GTPBP1: variants seen among roughly 807,000 people sequenced by gnomAD.
The protein encoded by GTPBP1 is GTP binding protein 1, also known as GTP-binding protein 1.
Under a neutral mutation model 62.0 loss-of-function variants are expected in GTPBP1, and 23 were observed. The observed-to-expected ratio is 0.37, with a 90% CI of 0.27 to 0.53. GTPBP1 has a LOEUF of 0.53. GTPBP1 is among the 20% of genes least tolerant of loss of function. The pLI is 0.89. For missense variants in GTPBP1, 640 were observed against 917.3 expected (o/e 0.70, Z 3.90); for synonymous variants, 344 against 364.4 (o/e 0.94, Z 0.64).
At chr22:38,738,132 G>A (rs996801082), downstream of GTPBP1, 2 of 1,583,350 alleles carry the variant, frequency 1.3e-6, no homozygotes, top group African/African-American at 2.7e-5. The surrounding 1 kb of genome is among the most constrained non-coding windows in gnomAD (Gnocchi z 6.6). Flanking sequence ...GCCTGGATGG[G>A]GAGTCTGCGC....
chr22:38,740,975 G>A, downstream of GTPBP1: 2 of 1,575,502 alleles, frequency 1.3e-6, no homozygotes, highest in Non-Finnish European at 1.7e-6. This position sits in a 1 kb window ranked among gnomAD's most constrained non-coding sequence, Gnocchi z 4.8. Context: ...CTGGGGAGGA[G>A]CAGGCCGAGG....
intron 10 of GTPBP1, chr22:38,729,254 A>G: frequency 3.9e-6 from 2 of 506,720 alleles, no homozygotes; most frequent in East Asian, 3.4e-5. Flanking sequence ...CCAGGGCCAT[A>G]GCAGTCCTCA....
chr22:38,725,908 T>C (rs2092724147), intron 6 of GTPBP1, 98 bp from the exon 7 acceptor site: 1 of 1,109,020 alleles, frequency 9.0e-7, no homozygotes, highest in South Asian at 1.4e-5. Flanking sequence ...TGGCATCTGC[T>C]CCTCGAGCCC....
At chr22:38,723,206 A>G in intron 5 of GTPBP1, 1 of 1,018,500 alleles carries the variant, frequency 9.8e-7, no homozygotes, top group Non-Finnish European at 1.6e-6. Flanking sequence ...TCCAAAGGAT[A>G]GAAGAAAAGC....
intron 6 of GTPBP1, 53 bp from the exon 7 acceptor site, chr22:38,725,953 T>C (rs549859163): frequency 1.3e-6 from 2 of 1,574,028 alleles, no homozygotes; most frequent in Admixed American, 3.4e-5. Flanking sequence ...GGGCAGGACC[T>C]GGTCTCCTGA....
chr22:38,720,284 A>G (rs910247561), intron 4 of GTPBP1, among the ~76,000 whole-genome samples: 13 of 151,678 alleles, frequency 8.6e-5, no homozygotes, highest in African/African-American at 2.9e-4. Context: ...CAATGGCGCA[A>G]TCTTGGCTCA....
At chr22:38,741,809 C>T (rs537576330), downstream of GTPBP1, among the ~76,000 whole-genome samples, 1 of 152,166 alleles carries the variant, frequency 6.6e-6, no homozygotes, top group Admixed American at 6.5e-5. Flanking sequence ...GGGGGAGACA[C>T]GATGGCCTCC....
chr22:38,715,156 T>C (rs185668489), intron 2 of GTPBP1, among the ~76,000 whole-genome samples: 1 of 152,372 alleles, frequency 6.6e-6, no homozygotes, highest in African/African-American at 2.4e-5. Flanking sequence ...TCTCACTTGC[T>C]GGTGCACACT....
intron 6 of GTPBP1, among the ~76,000 whole-genome samples, chr22:38,724,785 G>A (rs780813990): frequency 2.0e-5 from 3 of 152,170 alleles, no homozygotes; most frequent in Non-Finnish European, 4.4e-5. Flanking sequence ...CCTGGCTGAT[G>A]GATGGTAAAT....
chr22:38,727,099 C>A lies in GTPBP1; in HGVS notation c.1402-114C>A. 1 of 1,038,372 alleles carries A rather than the reference C, an allele frequency of 9.6e-7. No individual in the cohort carries two copies. The highest frequency in any genetic ancestry group is 1.4e-6 in the Non-Finnish European group (1 of 733,308). The allele number at this position is 1,038,372 out of a possible 1,614,324, so 64.3% of individuals were successfully genotyped here. On this transcript the variant is annotated intron_variant, in intron 8 of 11. Coordinates refer to ENST00000216044, the MANE Select transcript of GTPBP1 (RefSeq NM_004286.5). The surrounding 1 kb of genome is among the most constrained non-coding windows in gnomAD (Gnocchi z 6.5). ...GCCTGTGGTCCAGTTGGTGAGGAAACCAGGCAGAGTTGGGGTGGTCCCTAT... is the reference window on the plus strand; with the variant it reads ...GCCTGTGGTCCAGTTGGTGAGGAAAACAGGCAGAGTTGGGGTGGTCCCTAT...
Position 38,729,559 on chromosome 22 carries a change from G to C in GTPBP1, c.1814G>C (p.Gly605Ala). The change falls in exon 11 of 12, where the codon GGG becomes GCG. Residue 605 changes from glycine to alanine, a missense_variant. This residue lies in a region of GTPBP1 where 117 missense variants were observed against 107.1 expected (regional missense o/e 1.09). Transcript: ENST00000216044. ...KKGPLTKRDE[G>A]GPSGGPAVGA... Reference sequence around the variant, plus strand: ...GGCCCCCTGACGAAACGAGACGAGGGGGGCCCGTCTGGTGGGCCAGCAGTA... The same window carrying C: ...GGCCCCCTGACGAAACGAGACGAGGCGGGCCCGTCTGGTGGGCCAGCAGTA... 6.2e-7 allele frequency: 1 copy of C among 1,603,554 alleles called. No homozygotes were observed. Among genetic ancestry groups the C allele is most frequent in the East Asian group, 2.3e-5 (1 of 43,946 alleles).
intron 4 of GTPBP1, among the ~76,000 whole-genome samples, chr22:38,717,950 G>C (rs1415294916): frequency 6.6e-6 from 1 of 152,240 alleles, no homozygotes; most frequent in African/African-American, 2.4e-5. Context: ...TCAGCTGCCT[G>C]TATTAATAAA....
At position 38,726,520 on chromosome 22, in the gene GTPBP1, T is replaced by A; in HGVS notation, c.1401+80T>A. The A allele has an allele frequency of 8.3e-7, 1 of 1,204,392 alleles. No individual in the cohort carries two copies. Among genetic ancestry groups the A allele is most frequent in the Non-Finnish European group, 1.2e-6 (1 of 825,482 alleles). 74.6% of individuals were successfully genotyped at this position (1,204,392 alleles called of 1,614,324 possible). A position where few individuals can be genotyped will look rare whatever the true frequency, so the allele number is the denominator to read the frequency against. ...GGCCAGATGCCCTGCTCACCCACTC[T>A]AGTCCTCATGGCTGCTCTGCAAGGT... On this transcript the variant is annotated intron_variant, in intron 8 of 11. Coordinates refer to ENST00000216044, the MANE Select transcript of GTPBP1 (RefSeq NM_004286.5). The surrounding 1 kb of genome is among the most constrained non-coding windows in gnomAD (Gnocchi z 4.1).
At chr22:38,713,065 G>A (rs2145847239) in intron 2 of GTPBP1, among the ~76,000 whole-genome samples, 1 of 152,320 alleles carries the variant, frequency 6.6e-6, no homozygotes, top group South Asian at 2.1e-4. Flanking sequence ...CATTGCAAAT[G>A]TAAGGGAGAC....
intron 6 of GTPBP1, 64 bp from the exon 7 acceptor site, chr22:38,725,942 A>G: frequency 2.6e-6 from 4 of 1,510,316 alleles, no homozygotes; most frequent in Non-Finnish European, 3.7e-6. Flanking sequence ...GGTCTGTGTC[A>G]GGGCAGGACC....
chr22:38,735,467 G>A (rs1467278587), downstream of GTPBP1: 5 of 294,910 alleles, frequency 1.7e-5, no homozygotes, highest in Non-Finnish European at 6.7e-6. Flanking sequence ...CTGGGAGAAT[G>A]TGGAAAGCAA....
Position 38,730,570 on chromosome 22 carries a change from C to T in GTPBP1, c.1918-42C>T. On this transcript the variant is annotated intron_variant, in intron 11 of 11. Coordinates refer to ENST00000216044, the MANE Select transcript of GTPBP1 (RefSeq NM_004286.5). This position sits in a 1 kb window ranked among gnomAD's most constrained non-coding sequence, Gnocchi z 5.6. ...GCACCTCTGCTCTCTGGCCCTGCTC[C>T]TGATGGGCCAGTGCTTCTCAAGCTC... The T allele has an allele frequency of 7.5e-7, 1 of 1,325,116 alleles. No homozygotes were observed. Among genetic ancestry groups the T allele is most frequent in the Non-Finnish European group, 1.1e-6 (1 of 926,200 alleles). The allele number at this position is 1,325,116 out of a possible 1,614,324, so 82.1% of individuals were successfully genotyped here. A position where few individuals can be genotyped will look rare whatever the true frequency, so the allele number is the denominator to read the frequency against.
At chr22:38,742,860 G>A, downstream of GTPBP1, 1 of 300,410 alleles carries the variant, frequency 3.3e-6, no homozygotes, top group Admixed American at 4.9e-5. Flanking sequence ...TGCAGGGATG[G>A]TCCAGGAGGA....
chr22:38,723,485 C>G, intron 5 of GTPBP1: 2 of 795,624 alleles, frequency 2.5e-6, no homozygotes, highest in Non-Finnish European at 2.1e-6. Context: ...TCAGAGTAGC[C>G]TTCCCACAGC....
Sources: gnomAD v4.1 joint callset for allele counts (sites outside exome capture counted in the v4.1 genomes callset) on GRCh38, gnomAD v4.1.1 for gene constraint, gnomAD v4.1.1 regional missense constraint, Gnocchi (gnomAD v3.1) non-coding constraint, MANE v1.5 for transcripts, NCBI Gene and HGNC (gene_info 2026-07-23, HGNC 2026-07-21) for gene names.